Variants in MICAL2 observed in about 807,000 individuals in gnomAD.
MICAL2 encodes [F-actin]-monooxygenase MICAL2.
MICAL2 carries 77 observed loss-of-function variants against 127.3 expected under a neutral mutation model. The observed-to-expected ratio is 0.60, with a 90% confidence interval of 0.50 to 0.73. The LOEUF (loss-of-function observed/expected upper bound fraction) is 0.73, where lower values mean the gene tolerates loss of function less well. MICAL2 is among the 30% of genes least tolerant of loss of function. MICAL2 has a pLI of 0.00. For missense variants in MICAL2, 1,351 were observed against 1,434.4 expected (o/e 0.94, Z 0.94); for synonymous variants, 570 against 551.1 (o/e 1.03, Z -0.48).
At chr11:12,270,052 C>T (rs11605430) in intron 24 of MICAL2, among the ~76,000 whole-genome samples, 1 of 152,328 alleles carries the variant, frequency 6.6e-6, no homozygotes, top group East Asian at 1.9e-4. Context: ...TGCCTTTTCC[C>T]TAAAGGGCCA....
At chr11:12,120,256 G>A (rs763853422) in intron 1 of MICAL2, among the ~76,000 whole-genome samples, 1 of 152,366 alleles carries the variant, frequency 6.6e-6, no homozygotes, top group Admixed American at 6.5e-5. Context: ...TGTTGACAGA[G>A]ATGAGTTTAT....
At chr11:12,262,888 G>A (rs1863316380) in intron 27 of MICAL2, 1 of 214,982 alleles carries the variant, frequency 4.7e-6, no homozygotes, top group Non-Finnish European at 9.3e-6. Flanking sequence ...ACCATGAGGG[G>A]GCCTCTGTCA....
chr11:12,310,132 G>A (rs905087636), intron 29 of MICAL2, among the ~76,000 whole-genome samples: 17 of 151,946 alleles, frequency 1.1e-4, no homozygotes, highest in Admixed American at 2.0e-4. Flanking sequence ...AGGTTGTGTC[G>A]TCATTTTGTT....
At chr11:12,137,275 G>T (rs1466349337) in intron 1 of MICAL2, among the ~76,000 whole-genome samples, 1 of 62,796 alleles carries the variant, frequency 1.6e-5, no homozygotes, top group Non-Finnish European at 3.9e-5. Context: ...CGCCCGGTGT[G>T]TGGGCCCACC....
chr11:12,344,537 G>C (rs1004204539), intron 32 of MICAL2, among the ~76,000 whole-genome samples: 1 of 148,044 alleles, frequency 6.8e-6, no homozygotes, highest in South Asian at 2.1e-4. Context: ...TTTTGCTCCT[G>C]TTGCCCAGGC....
chr11:12,248,161 C>T (rs1327190449), intron 21 of MICAL2, among the ~76,000 whole-genome samples: 1 of 152,222 alleles, frequency 6.6e-6, no homozygotes, highest in Non-Finnish European at 1.5e-5. Flanking sequence ...TCAGACTCCA[C>T]TTGCCCGCCC....
intron 3 of MICAL2, among the ~76,000 whole-genome samples, chr11:12,183,567 T>A (rs1035023188): frequency 5.9e-5 from 9 of 152,140 alleles, no homozygotes; most frequent in Admixed American, 2.6e-4. Context: ...ATATCACTGG[T>A]AGGATGCTGG....
At chr11:12,305,258 G>C (rs1157427553) in intron 29 of MICAL2, among the ~76,000 whole-genome samples, 2 of 152,170 alleles carry the variant, frequency 1.3e-5, no homozygotes, top group African/African-American at 4.8e-5. Context: ...CATCTTACAT[G>C]GTGGCGGGCA....
intron 32 of MICAL2, among the ~76,000 whole-genome samples, chr11:12,336,902 G>A (rs1284411378): frequency 1.3e-5 from 2 of 152,104 alleles, no homozygotes; most frequent in East Asian, 1.9e-4. Context: ...AAGGATATTG[G>A]TCTAAAATTC....
Position 12,258,503 on chromosome 11 carries a change from A to G in MICAL2, c.3178A>G (p.Lys1060Glu). 2 of 1,614,186 alleles carry G rather than the reference A, an allele frequency of 1.2e-6. No individual in the cohort carries two copies. Among genetic ancestry groups the G allele is most frequent in the Non-Finnish European group, 1.7e-6 (2 of 1,180,018 alleles). Residue 1060 changes from lysine to glutamate, a missense_variant, in exon 25 of 28, where the codon AAA (lysine) becomes GAA (glutamate). This residue lies in a region of MICAL2 where 752 missense variants were observed against 719.4 expected (regional missense o/e 1.05). Coordinates refer to ENST00000683283, the MANE Select transcript of MICAL2 (RefSeq NM_001282663.2). ...CTGCAAGCCTCACTTCATTCACTGT[A>G]AAACCAATAGCAAACAACGGAAGAG... is the stretch of plus-strand genomic sequence containing the variant. Reference protein sequence around the residue: ...FYCKPHFIHCKTNSKQRKRRA... With the variant: ...FYCKPHFIHCETNSKQRKRRA...
At chr11:12,267,152 C>T (rs1177023467), downstream of MICAL2, among the ~76,000 whole-genome samples, 2 of 152,178 alleles carry the variant, frequency 1.3e-5, no homozygotes, top group Non-Finnish European at 2.9e-5. Flanking sequence ...GCTCCCCTTC[C>T]CTCCCACCAC....
chr11:12,143,240 G>T (rs1011187130), intron 2 of MICAL2, among the ~76,000 whole-genome samples: 80 of 152,182 alleles, frequency 5.3e-4, no homozygotes, highest in African/African-American at 1.9e-3. Flanking sequence ...GTGTGAAAGG[G>T]CCTGATTTGG....
At chr11:12,313,364 C>T (rs1033712671) in intron 29 of MICAL2, among the ~76,000 whole-genome samples, 1 of 151,706 alleles carries the variant, frequency 6.6e-6, no homozygotes, top group African/African-American at 2.4e-5. Flanking sequence ...TATGAATAAC[C>T]GCGGGGGGAG....
At chr11:12,270,262 G>C (rs1405223671) in intron 24 of MICAL2, among the ~76,000 whole-genome samples, 3 of 152,242 alleles carry the variant, frequency 2.0e-5, no homozygotes, top group African/African-American at 7.2e-5. Flanking sequence ...ATATCTACCT[G>C]TGTGTGCTCA....
At chr11:12,334,233 T>A (rs1302085872) in intron 32 of MICAL2, among the ~76,000 whole-genome samples, 2 of 152,150 alleles carry the variant, frequency 1.3e-5, no homozygotes, top group Non-Finnish European at 2.9e-5. Context: ...GTCCCTGATA[T>A]AAAATGGCGT....
At chr11:12,251,799 C>T (rs1259094141) in intron 22 of MICAL2, among the ~76,000 whole-genome samples, 2 of 152,048 alleles carry the variant, frequency 1.3e-5, no homozygotes, top group East Asian at 1.9e-4. Flanking sequence ...CCAGCAACCT[C>T]GCAGCCCTCT....
chr11:12,226,895 C>T (rs1857545965), intron 14 of MICAL2, 130 bp from the exon 15 acceptor site: 2 of 685,848 alleles, frequency 2.9e-6, no homozygotes, highest in Non-Finnish European at 2.6e-6. Flanking sequence ...ACCTCGTGAT[C>T]CACCTGTCTT....
intron 3 of MICAL2, among the ~76,000 whole-genome samples, chr11:12,164,256 A>C (rs1239829188): frequency 1.3e-5 from 2 of 152,202 alleles, no homozygotes; most frequent in Non-Finnish European, 2.9e-5. Flanking sequence ...TTTGTTAGGG[A>C]TGCTGGGTAA....
chr11:12,251,577 TAAAAAAAAAA>T (rs536942703), intron 22 of MICAL2, among the ~76,000 whole-genome samples: 13 of 93,828 alleles, frequency 1.4e-4, no homozygotes, highest in East Asian at 8.4e-4. Context: ...CATTTCACTT[TAAAAAAAAAA>T]AAAAAAAAAA....
Sources: allele counts gnomAD v4.1 joint callset (sites outside exome capture counted in the v4.1 genomes callset), GRCh38; gene constraint gnomAD v4.1.1; regional missense constraint gnomAD v4.1.1; transcripts MANE v1.5; gene names NCBI Gene and HGNC (gene_info 2026-07-23, HGNC 2026-07-21).